NUB1: variants seen among roughly 807,000 people sequenced by gnomAD.
NUB1 encodes the protein negative regulator of ubiquitin like proteins 1.
NUB1 carries 41 observed loss-of-function variants against 77.1 expected under a neutral mutation model. That is an observed-to-expected ratio of 0.53 (90% CI 0.41 to 0.69). The LOEUF (loss-of-function observed/expected upper bound fraction) is 0.69, where lower values mean the gene tolerates loss of function less well. Among genes scored for constraint, NUB1 ranks in the 30% least tolerant of loss-of-function variants. The pLI is 0.00. For missense variants in NUB1, 643 were observed against 743.8 expected (o/e 0.86, Z 1.58); for synonymous variants, 257 against 281.0 (o/e 0.91, Z 0.85).
At chr7:151,355,739 A>T (rs1430789364) in intron 5 of NUB1, 29 bp from the exon 6 acceptor site, 1 of 1,528,590 alleles carries the variant, frequency 6.5e-7, no homozygotes, top group East Asian at 2.4e-5. Context: ...ATGGCTTTTT[A>T]AAATAATAGG....
chr7:151,367,239 A>G, intron 9 of NUB1, 114 bp downstream of exon 9: 1 of 766,656 alleles, frequency 1.3e-6, no homozygotes, highest in East Asian at 2.6e-5. Flanking sequence ...TGATAGTAGT[A>G]TGCAGTATAG....
Position 151,368,858 on chromosome 7 carries a change from G to A in NUB1, c.1219G>A (p.Ala407Thr). The A allele has an allele frequency of 6.2e-7, 1 of 1,613,820 alleles. No homozygotes were observed. Among genetic ancestry groups the A allele is most frequent in the Non-Finnish European group, 8.5e-7 (1 of 1,179,824 alleles). ...LRACDGNVDH[A>T]ATHITNRREE... ...GGCGTGTGATGGGAACGTGGATCATGCGGCCACTCATATTACCAACCGCAG... is the reference window on the plus strand; with the variant it reads ...GGCGTGTGATGGGAACGTGGATCATACGGCCACTCATATTACCAACCGCAG... Residue 407 changes from alanine to threonine, a missense_variant, in exon 11 of 15, where the codon GCG (alanine) becomes ACG (threonine). By Grantham distance (58) the Ala-to-Thr change is moderately conservative (BLOSUM62 0). Coordinates refer to ENST00000568733, the MANE Select transcript of NUB1 (RefSeq NM_001243351.2).
chr7:151,365,048 T>G (rs1420612910), intron 8 of NUB1, among the ~76,000 whole-genome samples: 1 of 150,330 alleles, frequency 6.7e-6, no homozygotes, highest in Non-Finnish European at 1.5e-5. Flanking sequence ...GGTCTCAAAC[T>G]CTTGGGTTCA....
intron 8 of NUB1, among the ~76,000 whole-genome samples, chr7:151,362,689 C>A (rs1159502190): frequency 2.0e-5 from 3 of 152,142 alleles, no homozygotes; most frequent in African/African-American, 7.2e-5. Flanking sequence ...GCTGGGCTTG[C>A]AGGAGGCCAA....
At chr7:151,349,273 A>C (rs1022858175) in intron 3 of NUB1, 33 bp downstream of exon 3, 1 of 1,551,232 alleles carries the variant, frequency 6.4e-7, no homozygotes, top group East Asian at 2.3e-5. Flanking sequence ...AGTAGGCACT[A>C]ATGTCCAGTT....
chr7:151,356,009 A>G, intron 6 of NUB1, 59 bp downstream of exon 6: 1 of 1,573,142 alleles, frequency 6.4e-7, no homozygotes, highest in Non-Finnish European at 8.7e-7. Flanking sequence ...ACTGGATCAC[A>G]CAGTTGGGGG....
chr7:151,346,315 G>A (rs1487502102), intron 2 of NUB1, among the ~76,000 whole-genome samples: 1 of 152,210 alleles, frequency 6.6e-6, no homozygotes, highest in Non-Finnish European at 1.5e-5. Flanking sequence ...TTAGAAACTA[G>A]GTGTGGCATA....
intron 2 of NUB1, among the ~76,000 whole-genome samples, chr7:151,348,046 G>A: frequency 6.6e-6 from 1 of 152,152 alleles, no homozygotes; most frequent in East Asian, 1.9e-4. Flanking sequence ...CCTACTAGTT[G>A]GGCATCCTAA....
intron 11 of NUB1, 56 bp from the exon 12 acceptor site, chr7:151,374,041 G>C: frequency 1.3e-6 from 2 of 1,508,982 alleles, no homozygotes; most frequent in Non-Finnish European, 1.8e-6. Context: ...CGCAGACTGA[G>C]AGGCTGTGAA....
intron 8 of NUB1, chr7:151,361,369 G>C (rs1797373428): frequency 6.6e-6 from 1 of 152,130 alleles, no homozygotes; most frequent in Non-Finnish European, 1.5e-5. Context: ...TGGCTGGCAG[G>C]CAGCCCATGT....
At chr7:151,349,827 A>G (rs1313055973) in intron 3 of NUB1, among the ~76,000 whole-genome samples, 2 of 152,248 alleles carry the variant, frequency 1.3e-5, no homozygotes, top group Non-Finnish European at 2.9e-5. Flanking sequence ...TGCGGAGACA[A>G]GAGATCGTAG....
At chr7:151,355,359 G>A (rs1354736168) in intron 5 of NUB1, among the ~76,000 whole-genome samples, 23 of 152,180 alleles carry the variant, frequency 1.5e-4, no homozygotes, top group African/African-American at 4.6e-4. Flanking sequence ...CAATTATGTG[G>A]CGTGATGGTA....
At chr7:151,350,123 A>G (rs1796716601) in intron 3 of NUB1, among the ~76,000 whole-genome samples, 1 of 152,242 alleles carries the variant, frequency 6.6e-6, no homozygotes. Context: ...TCTCAGAAAG[A>G]TCAAAGACGT....
At chr7:151,344,009 A>G (rs1315298739) in intron 1 of NUB1, among the ~76,000 whole-genome samples, 1 of 151,500 alleles carries the variant, frequency 6.6e-6, no homozygotes, top group Admixed American at 6.6e-5. Flanking sequence ...GTGAAACCCC[A>G]TCTCTACTAA....
chr7:151,358,042 C>T (rs1797168885), intron 7 of NUB1, among the ~76,000 whole-genome samples: 1 of 152,120 alleles, frequency 6.6e-6, no homozygotes, highest in Non-Finnish European at 1.5e-5. Context: ...GTGGCACAAT[C>T]TTGGCTCACT....
chr7:151,373,649 A>G (rs1008119051), intron 11 of NUB1, among the ~76,000 whole-genome samples: 1 of 152,180 alleles, frequency 6.6e-6, no homozygotes, highest in Non-Finnish European at 1.5e-5. Flanking sequence ...TCCACATCAC[A>G]TTTTAACTTG....
intron 3 of NUB1, among the ~76,000 whole-genome samples, chr7:151,350,556 G>T (rs928583919): frequency 3.3e-5 from 5 of 152,176 alleles, no homozygotes; most frequent in African/African-American, 9.7e-5. Context: ...ATCTCTGTGT[G>T]GCCTGGTTTT....
At chr7:151,372,422 T>C (rs1232977518) in intron 11 of NUB1, among the ~76,000 whole-genome samples, 1 of 152,246 alleles carries the variant, frequency 6.6e-6, no homozygotes, top group Non-Finnish European at 1.5e-5. Flanking sequence ...TGTTAGGTAA[T>C]GCCCAGGTCC....
At chr7:151,374,361 G>T in intron 12 of NUB1, 118 bp downstream of exon 12, 1 of 1,280,874 alleles carries the variant, frequency 7.8e-7, no homozygotes, top group East Asian at 2.5e-5. Flanking sequence ...CCCGTCATCC[G>T]GATCTGAAGG....
Sources: gnomAD v4.1 joint callset for allele counts (sites outside exome capture counted in the v4.1 genomes callset) on GRCh38, gnomAD v4.1.1 for gene constraint, MANE v1.5 for transcripts, NCBI Gene and HGNC (gene_info 2026-07-23, HGNC 2026-07-21) for gene names.